The following ZNF496 variants were observed in gnomAD, a reference collection of about 807,000 sequenced individuals.
The protein encoded by ZNF496 is NSD1 (nuclear receptor binding SET-domain containing 1)-interacting zinc finger protein 1.
A neutral mutation model predicts 58.9 loss-of-function variants in ZNF496; 11 were observed. The ratio of observed to expected loss-of-function variants is 0.19; its 90% CI spans 0.12 to 0.31. The LOEUF is 0.31. ZNF496 is among the 10% of genes least tolerant of loss of function. The pLI, the probability that ZNF496 is intolerant of heterozygous loss-of-function variation, is 1.00. For missense variants in ZNF496, 660 were observed against 783.0 expected, an observed-to-expected ratio of 0.84 and a Z score of 1.88; for synonymous variants, 338 against 318.2, an observed-to-expected ratio of 1.06 and a Z score of -0.66.
intron 9 of ZNF496, chr1:247,307,209 G>T (rs1659442606): frequency 1.0e-6 from 1 of 985,298 alleles, no homozygotes. Context: ...GCATCAGCTG[G>T]CGGGAAAAGC....
In ZNF496 at chr1:247,325,658, G is replaced by A. The variant is rs564551133; in HGVS notation, c.575-2428C>T. ...TGTACTCTTTGACCGATGTCTCCCA[G>A]AGGGGGTGTTTTATTTTTTAGAGGT... On this transcript the variant is annotated intron_variant, in intron 5 of 9. Transcript: ENST00000682384. Among the ~76,000 whole-genome samples, 24 of 152,164 alleles carry A rather than the reference G, an allele frequency of 1.6e-4. No individual in the cohort carries two copies. In the East Asian group the frequency reaches 4.4e-3, roughly 28 times the overall value.
intron 9 of ZNF496, among the ~76,000 whole-genome samples, chr1:247,305,206 C>G (rs1285452357): frequency 6.6e-6 from 1 of 151,986 alleles, no homozygotes; most frequent in Middle Eastern, 3.2e-3. Flanking sequence ...ACACGGGAGG[C>G]AGAGGTTGCA....
chr1:247,322,251 G>A (rs1659985231), intron 6 of ZNF496, among the ~76,000 whole-genome samples: 1 of 152,094 alleles, frequency 6.6e-6, no homozygotes, highest in Non-Finnish European at 1.5e-5. Context: ...CCACTGCATT[G>A]AAGCCTGGGT....
chr1:247,302,556 C>G (rs550792915), intron 9 of ZNF496, among the ~76,000 whole-genome samples: 1 of 152,152 alleles, frequency 6.6e-6, no homozygotes, highest in African/African-American at 2.4e-5. Context: ...CTCCTGGGCT[C>G]AAGCGAGCCA....
chr1:247,317,575 C>T (rs903117281), intron 6 of ZNF496, among the ~76,000 whole-genome samples: 1 of 152,188 alleles, frequency 6.6e-6, no homozygotes, highest in African/African-American at 2.4e-5. Context: ...AACAAGCCCC[C>T]CCCCCGCCAC....
In ZNF496 at chr1:247,308,507, G is replaced by A. The variant is rs577955613; in HGVS notation, c.974C>T (p.Pro325Leu). ...ELQVPEFQAC[P>L]QTVVPQNTYP... is the part of the protein sequence containing the mutation. ...GGTGTTTTGAGGCACCACCGTCTGTGGGCAGGCCTGGAACTCTGGCACCTG... is the reference window on the plus strand; with the variant it reads ...GGTGTTTTGAGGCACCACCGTCTGTAGGCAGGCCTGGAACTCTGGCACCTG... The change falls in exon 9 of 10, where the codon CCA (proline) becomes CTA (leucine). Residue 325 changes from proline (P) to leucine (L), a missense_variant. Physicochemically the swap from Pro to Leu is moderately conservative, Grantham distance 98. Transcript: ENST00000682384. This position sits in a 1 kb window ranked among gnomAD's most constrained non-coding sequence, Gnocchi z 4.5. 16 of 1,614,048 alleles carry A rather than the reference G, an allele frequency of 9.9e-6. No homozygotes were observed. The South Asian group carries it at 1.2e-4, about 12-fold the overall frequency.
intron 6 of ZNF496, among the ~76,000 whole-genome samples, chr1:247,316,939 A>G (rs1403856886): frequency 6.6e-6 from 1 of 152,224 alleles, no homozygotes; most frequent in Non-Finnish European, 1.5e-5. Context: ...ATAAATTGGC[A>G]GAGAAAAGTC....
At chr1:247,316,900 T>C (rs1353965214) in intron 6 of ZNF496, among the ~76,000 whole-genome samples, 1 of 152,084 alleles carries the variant, frequency 6.6e-6, no homozygotes, top group Non-Finnish European at 1.5e-5. Flanking sequence ...TCCTTTTATT[T>C]GTGATCGATT....
intron 5 of ZNF496, among the ~76,000 whole-genome samples, chr1:247,328,427 C>T (rs1660208615): frequency 6.6e-6 from 1 of 152,182 alleles, no homozygotes. Flanking sequence ...GAGGGCACCA[C>T]CTCAGTGACA....
intron 9 of ZNF496, among the ~76,000 whole-genome samples, chr1:247,302,827 T>C (rs765979368): frequency 6.6e-6 from 1 of 152,188 alleles, no homozygotes; most frequent in African/African-American, 2.4e-5. Flanking sequence ...GTGGACCTCA[T>C]GGGGTGGAGA....
rs748040579 is a variant in ZNF496 at position 247,328,777 on chromosome 1, G to A, written c.480C>T (p.Ser160=). The change falls in exon 5 of 10, where the codon AGC becomes AGT. Residue 160 remains serine (S), a synonymous_variant. Coordinates refer to ENST00000682384, the MANE Select transcript of ZNF496 (RefSeq NM_032752.3). ...GGGCATCCTGGTTCTTTGCAAGGTC[G>A]CTGTGGGGCTCTACCGGCAGCTGCT... ...EQEQLPVEPH[S]DLAKNQDAQP... is the part of the protein sequence containing the mutation. 11 of 1,613,774 alleles carry A rather than the reference G, an allele frequency of 6.8e-6. No individual in the cohort carries two copies. Among genetic ancestry groups the A allele is most frequent in the Admixed American group, 6.7e-5 (4 of 59,956 alleles).
At chr1:247,319,256 G>A (rs1659879310) in intron 6 of ZNF496, among the ~76,000 whole-genome samples, 1 of 152,212 alleles carries the variant, frequency 6.6e-6, no homozygotes, top group Non-Finnish European at 1.5e-5. Flanking sequence ...TCAAAGTGCT[G>A]GGATTATAGG....
rs905114225 is a variant in ZNF496, at chr1:247,318,156, C to T, written c.651+4998G>A. 5.3e-5 allele frequency among the ~76,000 whole-genome samples: 8 copies of T among 151,932 alleles called. No homozygotes were observed. The East Asian group carries it at 5.8e-4, about 11-fold the overall frequency. Reference sequence around the variant, plus strand: ...AAGAAAGACTCAGTCAACTTGAAGACGGAAAAATAAAGTTATTCCATCTGA... The same window carrying T: ...AAGAAAGACTCAGTCAACTTGAAGATGGAAAAATAAAGTTATTCCATCTGA... On this transcript the variant is annotated intron_variant, in intron 6 of 9. Coordinates refer to ENST00000682384, the MANE Select transcript of ZNF496 (RefSeq NM_032752.3).
At position 247,328,750 on chromosome 1, in the gene ZNF496, C is replaced by T. The variant is rs765352710; in HGVS notation, c.507G>A (p.Gln169=). 3.5e-5 allele frequency: 56 copies of T among 1,613,586 alleles called. No homozygotes were observed. In the Middle Eastern group the frequency reaches 9.9e-4, roughly 28 times the overall value. The change falls in exon 5 of 10, where the codon CAG becomes CAA. Residue 169 remains glutamine (Q), a synonymous_variant. Coordinates refer to ENST00000682384, the MANE Select transcript of ZNF496 (RefSeq NM_032752.3). ...CCAGGCACTGTGCCAGGGTTATGGG[C>T]TGGGCATCCTGGTTCTTTGCAAGGT... ...HSDLAKNQDA[Q]PITLAQCLGL...
intron 6 of ZNF496, chr1:247,312,762 GA>G (rs1659644957): frequency 6.6e-6 from 1 of 150,574 alleles, no homozygotes; most frequent in Middle Eastern, 3.2e-3. Flanking sequence ...AAAAGAAAAA[GA>G]AAAAATTGTC....
intron 9 of ZNF496, among the ~76,000 whole-genome samples, chr1:247,305,025 G>A (rs143591239): frequency 0.011 from 1,622 of 152,254 alleles, 20 homozygotes; most frequent in Admixed American, 0.017. Context: ...TCTTACAGGG[G>A]ATGAATTGTG....
Position 247,316,218 on chromosome 1 carries a change from T to C in ZNF496, c.652-5762A>G, listed in dbSNP as rs772293086. ...GTGTGTGTGTGCGCGCGCGTGCGCG[T>C]GTGTGTGTGTGTGTGTGTGAGCGCG... is the stretch of plus-strand genomic sequence containing the variant. On this transcript the variant is annotated intron_variant, in intron 6 of 9. Transcript: ENST00000682384. Among the ~76,000 whole-genome samples the C allele has an allele frequency of 6.6e-3, 46 of 6,922 alleles. 2 individuals are homozygous for C. Among genetic ancestry groups the C allele is most frequent in the Admixed American group, 0.047 (25 of 530 alleles). 4.5% of individuals were successfully genotyped at this position (6,922 alleles called of 152,430 possible).
At chr1:247,302,025 G>GGA (rs1659256979) in intron 9 of ZNF496, among the ~76,000 whole-genome samples, 1 of 152,202 alleles carries the variant, frequency 6.6e-6, no homozygotes, top group Non-Finnish European at 1.5e-5. Flanking sequence ...TGTGATGTTG[G>GGA]GAAGGTGGAA....
rs368513590 is a variant in ZNF496, at chr1:247,300,615, C to T, written c.1668G>A (p.Arg556=). Residue 556 remains arginine (R), a synonymous_variant, in exon 10 of 10, where the codon CGG becomes CGA. Transcript: ENST00000682384. The surrounding 1 kb of genome is among the most constrained non-coding windows in gnomAD (Gnocchi z 5.7). The part of the protein sequence containing the change: ...LKDKARPFQC[R]YCVKSFTQNY... ...TCTGCGTGAAGCTCTTGACGCAGTA[C>T]CGGCACTGGAAGGGCCGGGCTTTGT... The T allele has an allele frequency of 1.2e-6, 2 of 1,613,998 alleles. No homozygotes were observed. The highest frequency in any genetic ancestry group is 2.7e-5 in the African/African-American group (2 of 74,942).
Sources: allele counts gnomAD v4.1 joint callset (sites outside exome capture counted in the v4.1 genomes callset), GRCh38; gene constraint gnomAD v4.1.1; non-coding constraint Gnocchi (gnomAD v3.1); transcripts MANE v1.5; gene names NCBI Gene and HGNC (gene_info 2026-07-23, HGNC 2026-07-21).